The following ZNF804A variants were observed in gnomAD, a reference collection of about 807,000 sequenced individuals.
ZNF804A encodes zinc finger protein 804A.
A neutral mutation model predicts 16.5 loss-of-function variants in ZNF804A; 2 were observed. The observed-to-expected ratio is 0.12, with a 90% confidence interval of 0.05 to 0.38. The LOEUF is 0.38. ZNF804A is among the 10% of genes least tolerant of loss of function. The pLI, the probability that ZNF804A is intolerant of heterozygous loss-of-function variation, is 0.99. For synonymous variants in ZNF804A, 534 were observed against 489.6 expected, an observed-to-expected ratio of 1.09 and a Z score of -1.20; for missense variants, 1,473 against 1,390.7, an observed-to-expected ratio of 1.06 and a Z score of -0.94.
At chr2:184,901,946 C>CT (rs1490119630) in intron 2 of ZNF804A, among the ~76,000 whole-genome samples, 1 of 151,856 alleles carries the variant, frequency 6.6e-6, no homozygotes, top group East Asian at 1.9e-4. Flanking sequence ...CATATTTTAA[C>CT]TTTTTTAAAA....
chr2:184,693,520 C>G (rs575418524), intron 1 of ZNF804A, among the ~76,000 whole-genome samples: 22 of 152,252 alleles, frequency 1.4e-4, no homozygotes, highest in Non-Finnish European at 2.4e-4. Flanking sequence ...AATAAGTATT[C>G]ATATATGCAG....
chr2:184,857,981 T>C (rs1035236470), intron 1 of ZNF804A, among the ~76,000 whole-genome samples: 1 of 152,110 alleles, frequency 6.6e-6, no homozygotes, highest in African/African-American at 2.4e-5. Context: ...TAAGAACTTA[T>C]TGCTGTCTTC....
In ZNF804A at chr2:184,938,023, G is replaced by A; in HGVS notation, c.2627G>A (p.Arg876Lys). Reference sequence around the variant, plus strand: ...AACTCAGAACAAACAAACCAATTAAGAAACAAACTGTCTTTCCACCCTAAC... The same window carrying A: ...AACTCAGAACAAACAAACCAATTAAAAAACAAACTGTCTTTCCACCCTAAC... ...ERNSEQTNQL[R>K]NKLSFHPNNL... is the part of the protein sequence containing the mutation. The change falls in exon 4 of 4, where the codon AGA becomes AAA. Residue 876 changes from arginine (R) to lysine (K), a missense_variant. Transcript: ENST00000302277. The A allele has an allele frequency of 6.2e-7, 1 of 1,613,956 alleles. No individual in the cohort carries two copies. The highest frequency in any genetic ancestry group is 1.1e-5 in the South Asian group (1 of 91,076).
At chr2:184,637,146 A>C (rs1691712999) in intron 1 of ZNF804A, among the ~76,000 whole-genome samples, 1 of 151,906 alleles carries the variant, frequency 6.6e-6, no homozygotes, top group Non-Finnish European at 1.5e-5. Context: ...AAAATTAAAA[A>C]CCTCTTTTTA....
At position 184,632,344 on chromosome 2, in the gene ZNF804A, T is replaced by A. The variant is rs552089715; in HGVS notation, c.111+33274T>A. 2.0e-5 allele frequency among the ~76,000 whole-genome samples: 3 copies of A among 152,334 alleles called. No individual in the cohort carries two copies. The South Asian group carries it at 6.2e-4, about 32-fold the overall frequency. On this transcript the variant is annotated intron_variant, in intron 1 of 3. Coordinates refer to ENST00000302277, the MANE Select transcript of ZNF804A (RefSeq NM_194250.2). ...CTTTCAATCACCTTTAATGCGTACT[T>A]TGGCAAATTCCACCATATTTGGTAA...
intron 2 of ZNF804A, among the ~76,000 whole-genome samples, chr2:184,869,170 C>T (rs999255493): frequency 1.3e-5 from 2 of 151,858 alleles, no homozygotes; most frequent in African/African-American, 4.8e-5. Flanking sequence ...AATACTGGTT[C>T]CAGCATTTCA....
chr2:184,844,364 T>C (rs1206148043), intron 1 of ZNF804A, among the ~76,000 whole-genome samples: 1 of 152,132 alleles, frequency 6.6e-6, no homozygotes, highest in African/African-American at 2.4e-5. Flanking sequence ...ATCATTTTCT[T>C]CCTGAAAAGC....
intron 1 of ZNF804A, among the ~76,000 whole-genome samples, chr2:184,827,696 C>T (rs568968020): frequency 6.6e-6 from 1 of 151,166 alleles, no homozygotes; most frequent in African/African-American, 2.4e-5. Context: ...GTATTTTTCA[C>T]TTAGCATAAT....
intron 2 of ZNF804A, among the ~76,000 whole-genome samples, chr2:184,885,977 A>G (rs144333763): frequency 0.019 from 2,936 of 152,210 alleles, 114 homozygotes; most frequent in African/African-American, 0.066. Context: ...TGCCTTTCCA[A>G]CCGTCTCCTG....
intron 1 of ZNF804A, among the ~76,000 whole-genome samples, chr2:184,766,572 G>T (rs972321640): frequency 4.0e-5 from 6 of 149,858 alleles, no homozygotes; most frequent in Non-Finnish European, 8.9e-5. Flanking sequence ...TGTTCTGTCT[G>T]TATCTTTACT....
intron 1 of ZNF804A, among the ~76,000 whole-genome samples, chr2:184,710,403 A>G (rs746982778): frequency 6.6e-6 from 1 of 151,398 alleles, no homozygotes; most frequent in Non-Finnish European, 1.5e-5. Context: ...AAGAATTTAT[A>G]CCATATATAT....
In ZNF804A at chr2:184,841,258, T is replaced by C. The variant is rs79771543; in HGVS notation, c.112-25111T>C. On this transcript the variant is annotated intron_variant, in intron 1 of 3. Coordinates refer to ENST00000302277, the MANE Select transcript of ZNF804A (RefSeq NM_194250.2). ...ACTCCAATTACAGGAAAAGGAATAG[T>C]GGTGGAAGATACTTCTACTTTCACC... Among the ~76,000 whole-genome samples the C allele has an allele frequency of 3.4e-3, 516 of 152,310 alleles. 2 individuals carry two copies. Among genetic ancestry groups the C allele is most frequent in the African/African-American group, 0.012 (487 of 41,574 alleles).
chr2:184,805,123 G>C lies in ZNF804A; in HGVS notation c.112-61246G>C, dbSNP rs565214323. Among the ~76,000 whole-genome samples, 41 of 152,184 alleles carry C rather than the reference G, an allele frequency of 2.7e-4. No homozygotes were observed. The South Asian group carries it at 4.8e-3, about 18-fold the overall frequency. The stretch of plus-strand genomic sequence containing the variant: ...TTTATCTAGATATACTAATAAACAA[G>C]AAACATAAAAGCTTAAGTTCCTTGA... On this transcript the variant is annotated intron_variant, in intron 1 of 3. Coordinates refer to ENST00000302277, the MANE Select transcript of ZNF804A (RefSeq NM_194250.2).
chr2:184,724,185 T>C (rs1371049009), intron 1 of ZNF804A, among the ~76,000 whole-genome samples: 2 of 151,720 alleles, frequency 1.3e-5, no homozygotes, highest in South Asian at 2.1e-4. Flanking sequence ...CAGCTGGTAG[T>C]AAAAGAAACA....
intron 1 of ZNF804A, among the ~76,000 whole-genome samples, chr2:184,642,144 T>G (rs556536807): frequency 6.6e-6 from 1 of 152,296 alleles, no homozygotes; most frequent in Admixed American, 6.5e-5. Flanking sequence ...AATTGAAATG[T>G]TTGTGGCACT....
At chr2:184,799,080 T>C (rs1233248346) in intron 1 of ZNF804A, among the ~76,000 whole-genome samples, 1 of 152,160 alleles carries the variant, frequency 6.6e-6, no homozygotes, top group Non-Finnish European at 1.5e-5. Context: ...GAATCGTCTG[T>C]AGGTCTCTCA....
At chr2:184,916,918 G>T (rs879940850) in intron 2 of ZNF804A, among the ~76,000 whole-genome samples, 3 of 151,900 alleles carry the variant, frequency 2.0e-5, no homozygotes, top group Admixed American at 2.0e-4. Flanking sequence ...ATCTGTCAAA[G>T]GCTGATGCTG....
chr2:184,745,227 T>C (rs887736595), intron 1 of ZNF804A, among the ~76,000 whole-genome samples: 2 of 151,812 alleles, frequency 1.3e-5, no homozygotes, highest in East Asian at 3.9e-4. Flanking sequence ...TATTGTTGAA[T>C]ATAAAACCAT....
At chr2:184,716,751 T>C (rs191241106) in intron 1 of ZNF804A, among the ~76,000 whole-genome samples, 1 of 152,214 alleles carries the variant, frequency 6.6e-6, no homozygotes, top group East Asian at 1.9e-4. Flanking sequence ...TAGCAGCAGG[T>C]TTAAGAAGTG....
Sources: gnomAD v4.1 joint callset for allele counts (sites outside exome capture counted in the v4.1 genomes callset) on GRCh38, gnomAD v4.1.1 for gene constraint, MANE v1.5 for transcripts, NCBI Gene and HGNC (gene_info 2026-07-23, HGNC 2026-07-21) for gene names.